The following DIAPH3 variants were observed in gnomAD, a reference collection of about 807,000 sequenced individuals.
DIAPH3 encodes diaphanous related formin 3, also known as protein diaphanous homolog 3.
In DIAPH3, 117 loss-of-function variants were observed where a neutral mutation model predicts 144.3. The observed-to-expected ratio is 0.81, with a 90% CI of 0.70 to 0.95. The LOEUF (loss-of-function observed/expected upper bound fraction) is 0.95. Among genes scored for constraint, DIAPH3 ranks in the 40% least tolerant of loss-of-function variants. The probability of loss-of-function intolerance (pLI) is 0.00; values close to 1 mark genes in which losing one functional copy is unlikely to be tolerated. For missense variants in DIAPH3, 1,421 were observed against 1,412.7 expected, an observed-to-expected ratio of 1.01 and a Z score of -0.09; for synonymous variants, 519 against 488.9, an observed-to-expected ratio of 1.06 and a Z score of -0.81.
At chr13:60,019,628 G>C (rs926488714) in intron 5 of DIAPH3, among the ~76,000 whole-genome samples, 1 of 151,636 alleles carries the variant, frequency 6.6e-6, no homozygotes, top group Admixed American at 6.6e-5. Flanking sequence ...AAAAAACAGA[G>C]GGAGAGGGAG....
Position 60,098,031 on chromosome 13 carries a change from G to A in DIAPH3, c.391-4299C>T, listed in dbSNP as rs536906919. Among the ~76,000 whole-genome samples the A allele has an allele frequency of 2.0e-5, 3 of 152,282 alleles. No homozygotes were observed. In the East Asian group the frequency reaches 5.8e-4, roughly 29 times the overall value. ...TTTTATGTTGCAATTCCAGAAGGGTGAAGCATCTCCCAAGGCTATCTAAGA... is the reference window on the plus strand; with the variant it reads ...TTTTATGTTGCAATTCCAGAAGGGTAAAGCATCTCCCAAGGCTATCTAAGA... On this transcript the variant is annotated intron_variant, in intron 3 of 27. Transcript: ENST00000400324.
At position 59,969,972 on chromosome 13, in the gene DIAPH3, A is replaced by G; in HGVS notation, c.2046T>C (p.Leu682=). 6.2e-7 allele frequency: 1 copy of G among 1,607,762 alleles called. No individual in the cohort carries two copies. The highest frequency in any genetic ancestry group is 8.5e-7 in the Non-Finnish European group (1 of 1,176,386). The change falls in exon 17 of 28, where the codon CTT becomes CTC. Residue 682 remains leucine (L), a synonymous_variant. Coordinates refer to ENST00000400324, the MANE Select transcript of DIAPH3 (RefSeq NM_001042517.2). ...KYENVDLLCK[L]ENTFCCQQKE... ...TTTGTTGGCAACAAAATGTATTCTC[A>G]AGTTTACAAAGCAAATCCACGTTTT...
chr13:60,128,875 T>A (rs2059062294), intron 2 of DIAPH3, among the ~76,000 whole-genome samples: 1 of 152,166 alleles, frequency 6.6e-6, no homozygotes, highest in African/African-American at 2.4e-5. Context: ...TGTTAAATAC[T>A]GGTTTTTAAA....
chr13:59,973,806 G>A (rs779655972), intron 15 of DIAPH3, among the ~76,000 whole-genome samples: 3 of 152,192 alleles, frequency 2.0e-5, no homozygotes, highest in Non-Finnish European at 4.4e-5. Flanking sequence ...TGCAGATGAC[G>A]TATTTCTTGC....
intron 27 of DIAPH3, among the ~76,000 whole-genome samples, chr13:59,762,694 T>C (rs986723763): frequency 7.2e-5 from 11 of 152,214 alleles, no homozygotes; most frequent in African/African-American, 2.6e-4. Flanking sequence ...GTACAAATGA[T>C]CATTCAGATT....
At chr13:59,674,115 G>C (rs1227335860) in intron 27 of DIAPH3, among the ~76,000 whole-genome samples, 1 of 152,118 alleles carries the variant, frequency 6.6e-6, no homozygotes, top group Non-Finnish European at 1.5e-5. Context: ...GTGAAATCTG[G>C]CTTAACTTCA....
intron 24 of DIAPH3, among the ~76,000 whole-genome samples, chr13:59,819,686 A>G (rs2040958313): frequency 6.6e-6 from 1 of 151,930 alleles, no homozygotes; most frequent in Non-Finnish European, 1.5e-5. Flanking sequence ...AAGCACTCAA[A>G]AAAATACTGT....
At chr13:60,056,959 C>T (rs1038702876) in intron 4 of DIAPH3, among the ~76,000 whole-genome samples, 5 of 151,494 alleles carry the variant, frequency 3.3e-5, no homozygotes, top group Non-Finnish European at 7.4e-5. Flanking sequence ...AAATTTTGCC[C>T]AATTAAAACA....
At chr13:59,968,706 TTAA>T (rs972209036) in intron 17 of DIAPH3, among the ~76,000 whole-genome samples, 24 of 152,332 alleles carry the variant, frequency 1.6e-4, no homozygotes, top group Non-Finnish European at 2.8e-4. Context: ...CTAATTTACA[TTAA>T]TAATTTCTTA....
chr13:59,826,461 A>C (rs2041429996), intron 24 of DIAPH3, among the ~76,000 whole-genome samples: 1 of 151,142 alleles, frequency 6.6e-6, no homozygotes, highest in African/African-American at 2.4e-5. Flanking sequence ...ATGCCTAGGA[A>C]TCCAGCTTAC....
chr13:59,757,336 A>G (rs35373565), intron 27 of DIAPH3, among the ~76,000 whole-genome samples: 2 of 149,754 alleles, frequency 1.3e-5, no homozygotes, highest in Middle Eastern at 3.5e-3. Flanking sequence ...GTAAAAAAAA[A>G]TTGAAAAACA....
intron 20 of DIAPH3, among the ~76,000 whole-genome samples, chr13:59,885,574 T>G (rs1262456019): frequency 1.3e-5 from 2 of 151,948 alleles, no homozygotes; most frequent in African/African-American, 4.8e-5. Flanking sequence ...ACTTTCCTGC[T>G]GATGGACTTT....
intron 27 of DIAPH3, among the ~76,000 whole-genome samples, chr13:59,768,334 A>T (rs1425533025): frequency 1.3e-5 from 2 of 152,172 alleles, no homozygotes; most frequent in African/African-American, 4.8e-5. Context: ...ATTTTAATAT[A>T]TTGTTCCTTA....
chr13:59,755,981 G>A (rs2037234535), intron 27 of DIAPH3, among the ~76,000 whole-genome samples: 2 of 152,160 alleles, frequency 1.3e-5, no homozygotes, highest in Admixed American at 6.5e-5. Flanking sequence ...ATTAATCAAT[G>A]ATGATTCCAA....
intron 27 of DIAPH3, among the ~76,000 whole-genome samples, chr13:59,705,550 AAGTAAAT>A (rs1406238170): frequency 6.6e-6 from 1 of 152,216 alleles, no homozygotes; most frequent in African/African-American, 2.4e-5. Flanking sequence ...GAAAACCATA[AAGTAAAT>A]GGGACTTCTT....
At chr13:59,803,643 C>T (rs2040051801) in intron 25 of DIAPH3, among the ~76,000 whole-genome samples, 1 of 152,096 alleles carries the variant, frequency 6.6e-6, no homozygotes, top group African/African-American at 2.4e-5. Flanking sequence ...GTCTGAGAAC[C>T]TCCTCTTTTC....
At chr13:60,015,635 A>G (rs2053589081) in intron 7 of DIAPH3, among the ~76,000 whole-genome samples, 2 of 151,088 alleles carry the variant, frequency 1.3e-5, no homozygotes, top group South Asian at 4.2e-4. Context: ...AGAGAAAAAA[A>G]GAAAGAAGAT....
At chr13:60,082,817 C>T (rs2057607204) in intron 4 of DIAPH3, among the ~76,000 whole-genome samples, 1 of 151,954 alleles carries the variant, frequency 6.6e-6, no homozygotes, top group African/African-American at 2.4e-5. Context: ...GAGGTTAAAA[C>T]TAAATGAGAA....
chr13:59,926,213 C>G (rs143805152), intron 17 of DIAPH3, among the ~76,000 whole-genome samples: 68 of 152,228 alleles, frequency 4.5e-4, no homozygotes, highest in African/African-American at 1.6e-3. Flanking sequence ...GTCTTGAACT[C>G]CTGCCCTCAA....
Sources: allele counts gnomAD v4.1 joint callset (sites outside exome capture counted in the v4.1 genomes callset), GRCh38; gene constraint gnomAD v4.1.1; transcripts MANE v1.5; gene names NCBI Gene and HGNC (gene_info 2026-07-23, HGNC 2026-07-21).